Variants in DOCK1 observed in about 807,000 individuals in gnomAD.
DOCK1 encodes the protein dedicator of cytokinesis 1.
A neutral mutation model predicts 262.7 loss-of-function variants in DOCK1; 138 were observed. The ratio of observed to expected loss-of-function variants is 0.53; its 90% CI spans 0.46 to 0.61. The LOEUF (loss-of-function observed/expected upper bound fraction) is 0.61. Among genes scored for constraint, DOCK1 ranks in the 20% least tolerant of loss-of-function variants. The probability of loss-of-function intolerance (pLI) is 0.00; values close to 1 mark genes in which losing one functional copy is unlikely to be tolerated. For missense variants in DOCK1, 1,908 were observed against 2,370.7 expected, an observed-to-expected ratio of 0.80 and a Z score of 4.05; for synonymous variants, 866 against 867.4, an observed-to-expected ratio of 1.00 and a Z score of 0.03.
intron 27 of DOCK1, among the ~76,000 whole-genome samples, chr10:127,169,908 C>T (rs2054406486): frequency 6.6e-6 from 1 of 152,150 alleles, no homozygotes. Context: ...TAACTCGTTC[C>T]ATCCCTCAGC....
chr10:127,031,454 C>G (rs902577804), intron 16 of DOCK1, among the ~76,000 whole-genome samples, 196 bp from the exon 17 acceptor site: 1 of 152,188 alleles, frequency 6.6e-6, no homozygotes, highest in African/African-American at 2.4e-5. Context: ...TTGAGAACAA[C>G]TGATCCCTTT....
At chr10:127,008,574 AATTT>A (rs1207887131) in intron 10 of DOCK1, among the ~76,000 whole-genome samples, 154 bp from the exon 11 acceptor site, 1 of 148,844 alleles carries the variant, frequency 6.7e-6, no homozygotes, top group African/African-American at 2.5e-5. Flanking sequence ...CTGATAACTT[AATTT>A]GTCTTTCAAG....
chr10:127,252,677 G>T (rs1402402904), intron 28 of DOCK1, among the ~76,000 whole-genome samples: 1 of 150,842 alleles, frequency 6.6e-6, no homozygotes, highest in Non-Finnish European at 1.5e-5. Context: ...TCTCAGGTTT[G>T]TCAAAGATCA....
intron 16 of DOCK1, among the ~76,000 whole-genome samples, chr10:127,029,335 G>A (rs1184036162): frequency 6.6e-6 from 1 of 152,224 alleles, no homozygotes; most frequent in South Asian, 2.1e-4. Context: ...GGCCACATTG[G>A]TCCCCACTTG....
At chr10:127,391,602 C>G (rs566137989) in intron 38 of DOCK1, among the ~76,000 whole-genome samples, 1 of 47,344 alleles carries the variant, frequency 2.1e-5, no homozygotes, top group Non-Finnish European at 3.9e-5. Flanking sequence ...TGTCTATGCA[C>G]GTGCCTTAGG....
intron 1 of DOCK1, among the ~76,000 whole-genome samples, chr10:126,952,164 T>G (rs982993569): frequency 2.2e-4 from 33 of 152,094 alleles, no homozygotes; most frequent in African/African-American, 7.5e-4. Context: ...TTCGTTTATA[T>G]AGGGTGTACA....
At chr10:127,329,780 G>GAA (rs1293641541) in intron 29 of DOCK1, among the ~76,000 whole-genome samples, 2 of 152,170 alleles carry the variant, frequency 1.3e-5, no homozygotes, top group African/African-American at 4.8e-5. Flanking sequence ...GACGAGGCAG[G>GAA]ATTGGGAGGA....
At chr10:126,949,849 G>A (rs1483598237) in intron 1 of DOCK1, among the ~76,000 whole-genome samples, 4 of 152,042 alleles carry the variant, frequency 2.6e-5, no homozygotes, top group Admixed American at 6.6e-5. Context: ...GAGCACCAAA[G>A]GGAGAGTGGC....
At chr10:127,023,412 C>T in intron 14 of DOCK1, 88 bp downstream of exon 14, 1 of 1,523,960 alleles carries the variant, frequency 6.6e-7, no homozygotes, top group Non-Finnish European at 8.8e-7. Context: ...TAGATGTCGT[C>T]AGGGTGGGGC....
At chr10:127,359,763 C>A (rs1383093614) in intron 32 of DOCK1, among the ~76,000 whole-genome samples, 1 of 152,198 alleles carries the variant, frequency 6.6e-6, no homozygotes, top group Non-Finnish European at 1.5e-5. Context: ...ATTACGTATT[C>A]TCTTAAGTAT....
At chr10:126,974,991 G>C (rs1409838243) in intron 2 of DOCK1, among the ~76,000 whole-genome samples, 1 of 151,984 alleles carries the variant, frequency 6.6e-6, no homozygotes, top group African/African-American at 2.4e-5. Flanking sequence ...CCTACTGCTT[G>C]GCCCTTCCTC....
chr10:127,024,548 T>C (rs9418797), intron 14 of DOCK1, 137 bp from the exon 15 acceptor site: 252,689 of 685,244 alleles, frequency 0.37, 47,434 homozygotes, highest in East Asian at 0.42. Context: ...CTTCCCTTGC[T>C]GGGAACGTGT....
chr10:127,108,697 T>C (rs1188987581), intron 24 of DOCK1, among the ~76,000 whole-genome samples: 1 of 152,234 alleles, frequency 6.6e-6, no homozygotes, highest in Non-Finnish European at 1.5e-5. Flanking sequence ...TTAGTAACTT[T>C]CATGCCGATC....
At chr10:127,174,236 C>T (rs2054852841) in intron 27 of DOCK1, among the ~76,000 whole-genome samples, 1 of 152,216 alleles carries the variant, frequency 6.6e-6, no homozygotes. Flanking sequence ...CATGAGGCAA[C>T]AGGGCGCTGC....
At chr10:127,289,225 T>A (rs1034309016) in intron 29 of DOCK1, among the ~76,000 whole-genome samples, 3 of 152,174 alleles carry the variant, frequency 2.0e-5, no homozygotes, top group African/African-American at 7.2e-5. Context: ...AATGGGAACA[T>A]CAATACTGCT....
rs1053212027 is a variant in DOCK1 at position 127,418,905 on chromosome 10, T to C, written c.4692+364T>C. 2.0e-5 allele frequency among the ~76,000 whole-genome samples: 3 copies of C among 152,352 alleles called. No homozygotes were observed. In the East Asian group the frequency reaches 5.8e-4, roughly 29 times the overall value. On this transcript the variant is annotated intron_variant, in intron 45 of 51. Coordinates refer to ENST00000623213, the MANE Select transcript of DOCK1 (RefSeq NM_001290223.2). ...ATATCAGGACTAGGGAGGTAGCGCT[T>C]TGACGGTGGAGGGGGCCCGGCCAGC...
Position 127,125,505 on chromosome 10 carries a change from C to T in DOCK1, c.2655C>T (p.Thr885=), listed in dbSNP as rs145437866. The T allele has an allele frequency of 4.9e-5, 79 of 1,613,672 alleles. No homozygotes were observed. The highest frequency in any genetic ancestry group is 6.1e-5 in the Non-Finnish European group (72 of 1,179,860). ...DCREILLPMM[T]DQLKYHLERQ... is the part of the protein sequence containing the mutation. The stretch of plus-strand genomic sequence containing the variant: ...GAGAGATCCTGCTTCCCATGATGAC[C>T]GATCAGCTCAAGTACCATCTGGAGA... Residue 885 remains threonine, a synonymous_variant, in exon 26 of 52, where the codon ACC becomes ACT. Transcript: ENST00000623213.
intron 23 of DOCK1, among the ~76,000 whole-genome samples, chr10:127,075,127 C>T (rs1564783988): frequency 7.6e-6 from 1 of 130,962 alleles, no homozygotes; most frequent in Admixed American, 9.1e-5. Flanking sequence ...TGAGATTGCA[C>T]CATTGCACTC....
chr10:126,956,266 C>G (rs2036731585), intron 1 of DOCK1, among the ~76,000 whole-genome samples: 1 of 152,258 alleles, frequency 6.6e-6, no homozygotes, highest in Non-Finnish European at 1.5e-5. Context: ...CTCCAGAGCT[C>G]TGCCCCGTTG....
Sources: gnomAD v4.1 joint callset for allele counts (sites outside exome capture counted in the v4.1 genomes callset) on GRCh38, gnomAD v4.1.1 for gene constraint, MANE v1.5 for transcripts, NCBI Gene and HGNC (gene_info 2026-07-23, HGNC 2026-07-21) for gene names.